Variants in PTPRM observed in about 807,000 individuals in gnomAD.
The protein encoded by PTPRM is protein tyrosine phosphatase receptor type M.
A neutral mutation model predicts 186.7 loss-of-function variants in PTPRM; 47 were observed. That is an observed-to-expected ratio of 0.25 (90% CI 0.20 to 0.32). The LOEUF is 0.32. Ranked by LOEUF, PTPRM falls within the 10% of genes least tolerant of loss-of-function variation. The probability of loss-of-function intolerance (pLI) is 1.00; values close to 1 mark genes in which losing one functional copy is unlikely to be tolerated. For missense variants in PTPRM, 1,494 were observed against 1,865.0 expected (o/e 0.80, Z 3.66); for synonymous variants, 668 against 674.9 (o/e 0.99, Z 0.16).
intron 7 of PTPRM, among the ~76,000 whole-genome samples, chr18:7,975,779 C>T (rs2054892085): frequency 6.6e-6 from 1 of 152,196 alleles, no homozygotes; most frequent in Non-Finnish European, 1.5e-5. Context: ...ACAACATATA[C>T]TCTCCGTGTA....
intron 13 of PTPRM, among the ~76,000 whole-genome samples, chr18:8,115,049 T>C (rs1388106552): frequency 6.6e-6 from 1 of 152,020 alleles, no homozygotes; most frequent in African/African-American, 2.4e-5. Flanking sequence ...TAAGAAGCTA[T>C]ATTTCTGTGT....
chr18:7,595,281 T>C (rs1423778859), intron 1 of PTPRM, among the ~76,000 whole-genome samples: 1 of 152,136 alleles, frequency 6.6e-6, no homozygotes, highest in African/African-American at 2.4e-5. Flanking sequence ...ATTATGACTA[T>C]AGGAGAACTT....
At chr18:7,846,423 A>G (rs1334935482) in intron 2 of PTPRM, among the ~76,000 whole-genome samples, 2 of 152,206 alleles carry the variant, frequency 1.3e-5, no homozygotes, top group African/African-American at 4.8e-5. Flanking sequence ...GTTTTCCTGT[A>G]TTTGCTATAA....
intron 7 of PTPRM, among the ~76,000 whole-genome samples, chr18:8,044,082 G>T (rs1600227851): frequency 6.6e-6 from 1 of 152,254 alleles, no homozygotes; most frequent in Non-Finnish European, 1.5e-5. Context: ...TCTCAGAGGG[G>T]CTAGGATCAT....
At chr18:7,654,950 A>G (rs1184343003) in intron 1 of PTPRM, among the ~76,000 whole-genome samples, 1 of 151,948 alleles carries the variant, frequency 6.6e-6, no homozygotes, top group African/African-American at 2.4e-5. Context: ...TTTTTGTTCC[A>G]TATGAATTTT....
Position 7,677,509 on chromosome 18 carries a change from T to C in PTPRM, c.74-96640T>C, listed in dbSNP as rs548938569. On this transcript the variant is annotated intron_variant, in intron 1 of 32. Transcript: ENST00000580170. ...TTTACAGGGAGTTGATGAGACCACCTTCCTTAGAAGGCCCTTACTTCTCTG... is the reference window on the plus strand; with the variant it reads ...TTTACAGGGAGTTGATGAGACCACCCTCCTTAGAAGGCCCTTACTTCTCTG... Among the ~76,000 whole-genome samples the C allele has an allele frequency of 1.4e-4, 22 of 152,292 alleles. No homozygotes were observed. The East Asian group carries it at 4.2e-3, about 29-fold the overall frequency.
intron 14 of PTPRM, among the ~76,000 whole-genome samples, chr18:8,181,418 G>C (rs8099632): frequency 6.6e-6 from 1 of 152,024 alleles, no homozygotes; most frequent in Admixed American, 6.5e-5. Context: ...CTATCACAGA[G>C]GGCGGCGACC....
Position 8,259,847 on chromosome 18 carries a change from T to TGGCCAGGCTGGTCTC in PTPRM, c.2754+6435_2754+6449dup, listed in dbSNP as rs1363442226. 2.6e-4 allele frequency among the ~76,000 whole-genome samples: 39 copies of TGGCCAGGCTGGTCTC among 152,110 alleles called. 1 individual carries two copies. Among genetic ancestry groups the TGGCCAGGCTGGTCTC allele is most frequent in the Non-Finnish European group, 7.4e-5 (5 of 68,018 alleles). On this transcript the variant is annotated intron_variant, in intron 19 of 32. Transcript: ENST00000580170. Reference sequence around the variant, plus strand: ...TTTTTAGTAGAGTTTTTCACCATGTTGGCCAGGCTGGTCTCGAACTCCTGA... The same window carrying TGGCCAGGCTGGTCTC: ...TTTTTAGTAGAGTTTTTCACCATGTTGGCCAGGCTGGTCTCGGCCAGGCTGGTCTCGAACTCCTGA...
intron 1 of PTPRM, among the ~76,000 whole-genome samples, chr18:7,618,731 T>A (rs2037866436): frequency 6.6e-6 from 1 of 152,204 alleles, no homozygotes; most frequent in African/African-American, 2.4e-5. Context: ...AGATGCGTGC[T>A]ATACAAAATA....
At chr18:7,930,172 G>A (rs137908656) in intron 5 of PTPRM, among the ~76,000 whole-genome samples, 1 of 151,976 alleles carries the variant, frequency 6.6e-6, no homozygotes, top group Non-Finnish European at 1.5e-5. Flanking sequence ...GGGCTTAGAT[G>A]ATCCTCCCAC....
At chr18:7,875,915 G>A (rs2048218460) in intron 2 of PTPRM, among the ~76,000 whole-genome samples, 1 of 152,102 alleles carries the variant, frequency 6.6e-6, no homozygotes, top group African/African-American at 2.4e-5. Flanking sequence ...TAGGCTATGT[G>A]GTATGGCCTA....
chr18:7,938,054 A>G (rs1322853293), intron 5 of PTPRM, among the ~76,000 whole-genome samples: 2 of 152,098 alleles, frequency 1.3e-5, no homozygotes, highest in African/African-American at 4.8e-5. Flanking sequence ...TCTGTGGGAA[A>G]TGGCCATTAG....
At chr18:8,175,551 A>G (rs995918109) in intron 14 of PTPRM, among the ~76,000 whole-genome samples, 1 of 152,206 alleles carries the variant, frequency 6.6e-6, no homozygotes. Context: ...AGAAATACCT[A>G]CTTCCCAACT....
intron 13 of PTPRM, among the ~76,000 whole-genome samples, chr18:8,121,304 C>T (rs117575549): frequency 1.3e-5 from 2 of 152,300 alleles, no homozygotes; most frequent in East Asian, 3.9e-4. Context: ...TTTCCTTACT[C>T]GCTGCCACAT....
At chr18:8,220,632 T>C (rs2094143181) in intron 14 of PTPRM, among the ~76,000 whole-genome samples, 4 of 152,196 alleles carry the variant, frequency 2.6e-5, no homozygotes. Context: ...AGGAAAGCTG[T>C]AGTTCCTCCT....
At chr18:8,387,355 A>G in intron 31 of PTPRM, 120 bp downstream of exon 31, 1 of 1,040,174 alleles carries the variant, frequency 9.6e-7, no homozygotes, top group African/African-American at 1.6e-5. Flanking sequence ...GTCTAGGTGA[A>G]GGGGTGATCA....
In PTPRM at chr18:8,035,433, C is replaced by A. The variant is rs2086258414; in HGVS notation, c.1133-34253C>A. Among the ~76,000 whole-genome samples, 3 of 152,152 alleles carry A rather than the reference C, an allele frequency of 2.0e-5. No individual in the cohort carries two copies. In the South Asian group the frequency reaches 6.2e-4, roughly 32 times the overall value. On this transcript the variant is annotated intron_variant, in intron 7 of 32. Transcript: ENST00000580170. Reference sequence around the variant, plus strand: ...ACCAAAATCTGCAGCTACTCAAGTCCCTGATATAAAGTGGTGTGCCATGTG... The same window carrying A: ...ACCAAAATCTGCAGCTACTCAAGTCACTGATATAAAGTGGTGTGCCATGTG...
chr18:7,753,419 A>G (rs558525572), intron 1 of PTPRM, among the ~76,000 whole-genome samples: 1 of 152,324 alleles, frequency 6.6e-6, no homozygotes, highest in South Asian at 2.1e-4. Flanking sequence ...GAAAGCAGAC[A>G]CATCTTGATT....
intron 7 of PTPRM, among the ~76,000 whole-genome samples, chr18:7,991,910 G>T (rs1196614348): frequency 6.6e-6 from 1 of 152,110 alleles, no homozygotes; most frequent in Non-Finnish European, 1.5e-5. Context: ...ATTCTCAGGA[G>T]ATTAACAAAG....
Sources: gnomAD v4.1 joint callset for allele counts (sites outside exome capture counted in the v4.1 genomes callset) on GRCh38, gnomAD v4.1.1 for gene constraint, MANE v1.5 for transcripts, NCBI Gene and HGNC (gene_info 2026-07-23, HGNC 2026-07-21) for gene names.